The following SLC36A1 variants were observed in gnomAD, a reference collection of about 807,000 sequenced individuals.
The protein encoded by SLC36A1 is solute carrier family 36 member 1.
A neutral mutation model predicts 47.5 loss-of-function variants in SLC36A1; 30 were observed. The ratio of observed to expected loss-of-function variants is 0.63; its 90% CI spans 0.47 to 0.86. The LOEUF (loss-of-function observed/expected upper bound fraction) is 0.86, where lower values mean the gene tolerates loss of function less well. SLC36A1 is among the 40% of genes least tolerant of loss of function. The pLI, the probability that SLC36A1 is intolerant of heterozygous loss-of-function variation, is 0.00. For missense variants in SLC36A1, 517 were observed against 606.0 expected, an observed-to-expected ratio of 0.85 and a Z score of 1.54; for synonymous variants, 255 against 249.7, an observed-to-expected ratio of 1.02 and a Z score of -0.20.
chr5:151,428,377 G>A, the SLC36A1 span, among the ~76,000 whole-genome samples: 1 of 152,148 alleles, frequency 6.6e-6, no homozygotes, highest in Non-Finnish European at 1.5e-5. Context: ...TTTTTACTGA[G>A]GGAGGCAATC....
chr5:151,433,538 G>A (rs533438354), upstream of SLC36A1, among the ~76,000 whole-genome samples: 29 of 150,936 alleles, frequency 1.9e-4, no homozygotes, highest in South Asian at 3.1e-3. Context: ...TGATCCGCCC[G>A]CCTTGGCCTT....
At chr5:151,531,218 GC>G in the SLC36A1 span, among the ~76,000 whole-genome samples, 5 of 152,168 alleles carry the variant, frequency 3.3e-5, no homozygotes, top group African/African-American at 1.2e-4. This position sits in a 1 kb window ranked among gnomAD's most constrained non-coding sequence, Gnocchi z 5.7. Context: ...GGTTGCTTAA[GC>G]CCCAGATTCC....
At chr5:151,534,424 G>A in the SLC36A1 span, 32 of 1,607,352 alleles carry the variant, frequency 2.0e-5, 1 homozygote, top group South Asian at 2.1e-4. Context: ...TCGGGATCCC[G>A]GGCAAATACT....
At chr5:151,346,221 G>A in the SLC36A1 span, among the ~76,000 whole-genome samples, 1 of 152,134 alleles carries the variant, frequency 6.6e-6, no homozygotes, top group East Asian at 1.9e-4. Flanking sequence ...AGCAGTGGCT[G>A]GCCCCAACTT....
the SLC36A1 span, among the ~76,000 whole-genome samples, chr5:151,497,914 A>G: frequency 4.7e-5 from 7 of 149,568 alleles, no homozygotes; most frequent in African/African-American, 1.7e-4. Flanking sequence ...TTTGGTGCCC[A>G]CCTACCTTTA....
chr5:151,506,113 A>G, the SLC36A1 span: 4 of 1,500,648 alleles, frequency 2.7e-6, no homozygotes, highest in African/African-American at 4.2e-5. Context: ...AGGGAACAGC[A>G]AGATAGGGTG....
the SLC36A1 span, among the ~76,000 whole-genome samples, chr5:151,513,553 G>A: frequency 1.3e-5 from 2 of 152,156 alleles, no homozygotes; most frequent in African/African-American, 4.8e-5. Context: ...TGAGTACACA[G>A]GGACGCAAAG....
the SLC36A1 span, among the ~76,000 whole-genome samples, chr5:151,524,850 G>A: frequency 6.6e-6 from 1 of 152,166 alleles, no homozygotes; most frequent in Admixed American, 6.5e-5. Context: ...TGGCAGCTTG[G>A]CTCTCTGCTC....
At chr5:151,549,402 T>A in the SLC36A1 span, 2 of 1,614,148 alleles carry the variant, frequency 1.2e-6, no homozygotes, top group Non-Finnish European at 1.7e-6. Context: ...AACACTTGCC[T>A]CATAATGGAG....
At chr5:151,418,874 G>A in the SLC36A1 span, among the ~76,000 whole-genome samples, 1 of 152,180 alleles carries the variant, frequency 6.6e-6, no homozygotes, top group Non-Finnish European at 1.5e-5. Context: ...ATCTCATCCT[G>A]AGTTGTAAAC....
the SLC36A1 span, among the ~76,000 whole-genome samples, chr5:151,390,673 C>G: frequency 7.9e-5 from 12 of 152,148 alleles, no homozygotes; most frequent in Non-Finnish European, 1.8e-4. Context: ...AATCCTTTCC[C>G]CATTTCTTGT....
Position 151,468,295 on chromosome 5 carries a change from T to A in SLC36A1, c.723+370T>A, listed in dbSNP as rs1318656894. On this transcript the variant is annotated intron_variant, in intron 7 of 10. Coordinates refer to ENST00000243389, the MANE Select transcript of SLC36A1 (RefSeq NM_078483.4). ...TATATATATATATATATATATATATTTTATATATATATATTTACATATATG... is the reference window on the plus strand; with the variant it reads ...TATATATATATATATATATATATATATTATATATATATATTTACATATATG... Among the ~76,000 whole-genome samples, 122 of 51,600 alleles carry A rather than the reference T, an allele frequency of 2.4e-3. 2 individuals carry two copies. Among genetic ancestry groups the A allele is most frequent in the African/African-American group, 6.6e-3 (103 of 15,620 alleles). The allele number at this position is 51,600 out of a possible 152,430, so 33.9% of individuals were successfully genotyped here.
At chr5:151,385,009 A>AGAGAGAGTGCGT in the SLC36A1 span, among the ~76,000 whole-genome samples, 97 of 128,520 alleles carry the variant, frequency 7.5e-4, 1 homozygote, top group African/African-American at 3.3e-3. Context: ...AGAGAGAGAG[A>AGAGAGAGTGCGT]GTGTGTGTGT....
At chr5:151,358,681 T>A in the SLC36A1 span, among the ~76,000 whole-genome samples, 1 of 152,026 alleles carries the variant, frequency 6.6e-6, no homozygotes. Flanking sequence ...CTGGTTAAAG[T>A]GTTGATTCTC....
chr5:151,551,675 T>G, the SLC36A1 span: 1 of 1,560,968 alleles, frequency 6.4e-7, no homozygotes. Flanking sequence ...AAGATAGGCT[T>G]TGGTTGTCAG....
At chr5:151,553,308 G>A in the SLC36A1 span, 26 of 1,614,156 alleles carry the variant, frequency 1.6e-5, no homozygotes, top group Middle Eastern at 1.6e-4. Flanking sequence ...GATGGAGGAC[G>A]GCCGGGGCCA....
the SLC36A1 span, among the ~76,000 whole-genome samples, chr5:151,431,910 T>C: frequency 6.6e-6 from 1 of 152,204 alleles, no homozygotes; most frequent in Non-Finnish European, 1.5e-5. Flanking sequence ...TCTCAGCTCT[T>C]GGGCCTTAAT....
At chr5:151,360,848 C>T in the SLC36A1 span, among the ~76,000 whole-genome samples, 7 of 152,190 alleles carry the variant, frequency 4.6e-5, no homozygotes, top group African/African-American at 1.7e-4. Context: ...CACTCATCTC[C>T]ATCCAGTCAT....
chr5:151,439,875 T>G (rs1752520462), intron 1 of SLC36A1, among the ~76,000 whole-genome samples: 1 of 152,164 alleles, frequency 6.6e-6, no homozygotes, highest in South Asian at 2.1e-4. Flanking sequence ...TATCTGATGG[T>G]GTTTGGTCTT....
Sources: allele counts gnomAD v4.1 joint callset (sites outside exome capture counted in the v4.1 genomes callset), GRCh38; gene constraint gnomAD v4.1.1; non-coding constraint Gnocchi (gnomAD v3.1); transcripts MANE v1.5; gene names NCBI Gene and HGNC (gene_info 2026-07-23, HGNC 2026-07-21).